Variants in MGAM2 observed in about 807,000 individuals in gnomAD.
MGAM2 encodes the protein maltase-glucoamylase 2 (putative).
MGAM2 carries 98 observed loss-of-function variants against 96.1 expected under a neutral mutation model. That is an observed-to-expected ratio of 1.02 (90% CI 0.87 to 1.21). The LOEUF (loss-of-function observed/expected upper bound fraction) is 1.21, where lower values mean the gene tolerates loss of function less well. Ranked by LOEUF, MGAM2 falls within the 50% of genes most tolerant of loss-of-function variation. MGAM2 has a pLI of 0.00. For synonymous variants in MGAM2, 749 were observed against 414.8 expected, an observed-to-expected ratio of 1.81 and a Z score of -9.79; for missense variants, 2,055 against 1,182.4, an observed-to-expected ratio of 1.74 and a Z score of -10.82.
At chr7:142,180,929 C>T (rs1055825580) in intron 32 of MGAM2, among the ~76,000 whole-genome samples, 1 of 152,138 alleles carries the variant, frequency 6.6e-6, no homozygotes, top group Non-Finnish European at 1.5e-5. Context: ...GCTGTGTTAT[C>T]TTTCACCTCT....
intron 35 of MGAM2, among the ~76,000 whole-genome samples, chr7:142,186,549 G>A (rs867063996): frequency 9.2e-5 from 14 of 152,226 alleles, no homozygotes; most frequent in Non-Finnish European, 1.5e-4. Flanking sequence ...CAACTCTGAG[G>A]GAATGGCTTA....
intron 1 of MGAM2, among the ~76,000 whole-genome samples, chr7:142,114,170 GAAA>G (rs1817289470): frequency 1.9e-5 from 2 of 108,082 alleles, no homozygotes; most frequent in African/African-American, 5.4e-5. Context: ...AAGAAAGAAA[GAAA>G]GAAAGAAAGA....
intron 32 of MGAM2, among the ~76,000 whole-genome samples, chr7:142,179,464 T>C (rs1270570622): frequency 6.6e-6 from 1 of 152,158 alleles, no homozygotes; most frequent in African/African-American, 2.4e-5. Flanking sequence ...TCCAGCTTTT[T>C]CCCATTCAGT....
chr7:142,117,665 T>C (rs1267868519), intron 2 of MGAM2, among the ~76,000 whole-genome samples: 8 of 152,156 alleles, frequency 5.3e-5, no homozygotes, highest in Admixed American at 3.9e-4. Flanking sequence ...CCATCTCTTT[T>C]CACCTCTCTC....
intron 3 of MGAM2, among the ~76,000 whole-genome samples, chr7:142,128,875 C>T (rs1299137670): frequency 6.6e-6 from 1 of 151,870 alleles, no homozygotes; most frequent in East Asian, 2.0e-4. Flanking sequence ...CAAAAAGTCC[C>T]CACTGGGGCG....
chr7:142,149,943 ATTCT>A (rs1215294579), intron 15 of MGAM2, among the ~76,000 whole-genome samples: 2 of 146,320 alleles, frequency 1.4e-5, no homozygotes, highest in East Asian at 4.2e-4. Flanking sequence ...AAGCTGTTAA[ATTCT>A]TTTTTTTTTT....
At chr7:142,206,315 A>G (rs957875139) in intron 45 of MGAM2, among the ~76,000 whole-genome samples, 5 of 152,078 alleles carry the variant, frequency 3.3e-5, no homozygotes, top group African/African-American at 1.2e-4. Context: ...CTAAATAATT[A>G]TTTTGTGGTG....
At chr7:142,208,874 T>A (rs192978263) in intron 46 of MGAM2, among the ~76,000 whole-genome samples, 2 of 152,192 alleles carry the variant, frequency 1.3e-5, no homozygotes, top group African/African-American at 2.4e-5. Flanking sequence ...GGGCCTTAAA[T>A]GTGTAACATG....
At chr7:142,153,031 T>C (rs1399952056) in intron 15 of MGAM2, among the ~76,000 whole-genome samples, 2 of 150,200 alleles carry the variant, frequency 1.3e-5, no homozygotes, top group African/African-American at 4.9e-5. Context: ...AGCCTTGCTC[T>C]GTCGCCCAGG....
At chr7:142,167,865 C>T (rs1796074679) in intron 26 of MGAM2, among the ~76,000 whole-genome samples, 1 of 152,146 alleles carries the variant, frequency 6.6e-6, no homozygotes, top group African/African-American at 2.4e-5. Context: ...AGCCACTGTG[C>T]CTCGCTGAAA....
intron 12 of MGAM2, 142 bp downstream of exon 12, chr7:142,141,261 G>C (rs1795221214): frequency 1.8e-6 from 1 of 552,112 alleles, no homozygotes; most frequent in Admixed American, 3.3e-5. Flanking sequence ...TTTTAAACCA[G>C]TAGATATAAT....
chr7:142,217,876 G>A (rs1456127673), intron 46 of MGAM2, among the ~76,000 whole-genome samples: 1 of 152,020 alleles, frequency 6.6e-6, no homozygotes, highest in Non-Finnish European at 1.5e-5. Context: ...ACGTGGTCAG[G>A]GATTTGAGAC....
At chr7:142,140,071 G>T (rs1795175249) in intron 10 of MGAM2, among the ~76,000 whole-genome samples, 1 of 152,172 alleles carries the variant, frequency 6.6e-6, no homozygotes, top group African/African-American at 2.4e-5. Flanking sequence ...CCTACTGTAT[G>T]ATACTTGAGG....
chr7:142,209,054 G>C (rs1279052053), intron 46 of MGAM2, among the ~76,000 whole-genome samples: 1 of 152,140 alleles, frequency 6.6e-6, no homozygotes, highest in Admixed American at 6.5e-5. Context: ...TGTGGGTCTG[G>C]TCTTGGCTGA....
chr7:142,184,237 C>T (rs1017987504), intron 33 of MGAM2, among the ~76,000 whole-genome samples: 10 of 152,030 alleles, frequency 6.6e-5, no homozygotes, highest in Admixed American at 2.6e-4. Context: ...CCTCCCAAAG[C>T]GCTGGGATTA....
At chr7:142,198,831 G>C (rs1219054938) in intron 44 of MGAM2, 92 bp downstream of exon 44, 18 of 615,244 alleles carry the variant, frequency 2.9e-5, no homozygotes, top group Non-Finnish European at 5.0e-5. Flanking sequence ...AGGGATATGT[G>C]GATTATAAAC....
chr7:142,141,427 A>G (rs1585157012), intron 12 of MGAM2, among the ~76,000 whole-genome samples: 1 of 152,158 alleles, frequency 6.6e-6, no homozygotes, highest in East Asian at 1.9e-4. Context: ...AAATTCAACT[A>G]CAAAAATATA....
intron 45 of MGAM2, among the ~76,000 whole-genome samples, chr7:142,202,045 T>C (rs1797253039): frequency 6.6e-6 from 1 of 152,210 alleles, no homozygotes; most frequent in African/African-American, 2.4e-5. Flanking sequence ...AAAGGCATTT[T>C]TGCTAAGTGA....
rs1795342721 is a variant in MGAM2 at position 142,145,015 on chromosome 7, G to A, written c.1516+70G>A. The A allele has an allele frequency of 1.5e-5, 10 of 681,020 alleles. No homozygotes were observed. In the South Asian group the frequency reaches 1.6e-4, roughly 11 times the overall value. The allele number at this position is 681,020 out of a possible 1,614,324, so 42.2% of individuals were successfully genotyped here. A position where few individuals can be genotyped will look rare whatever the true frequency, so the allele number is the denominator to read the frequency against. ...TAAAACACCCTCAGTAATACTCAGT[G>A]TGGTCGGGAGCAATTTCACTTCCTA... On this transcript the variant is annotated intron_variant, in intron 14 of 47. Coordinates refer to ENST00000477922, the MANE Select transcript of MGAM2 (RefSeq NM_001293626.2).
Sources: gnomAD v4.1 joint callset for allele counts (sites outside exome capture counted in the v4.1 genomes callset) on GRCh38, gnomAD v4.1.1 for gene constraint, MANE v1.5 for transcripts, NCBI Gene and HGNC (gene_info 2026-07-23, HGNC 2026-07-21) for gene names.